Variants in HACD2 observed in about 807,000 individuals in gnomAD.
The protein encoded by HACD2 is very-long-chain (3R)-3-hydroxyacyl-CoA dehydratase 2.
In HACD2, 15 loss-of-function variants were observed where a neutral mutation model predicts 31.0. That is an observed-to-expected ratio of 0.48 (90% CI 0.32 to 0.75). HACD2 has a LOEUF of 0.75. HACD2 is among the 30% of genes least tolerant of loss of function. The probability of loss-of-function intolerance (pLI) is 0.03; values close to 1 mark genes in which losing one functional copy is unlikely to be tolerated. For missense variants in HACD2, 283 were observed against 313.0 expected, an observed-to-expected ratio of 0.90 and a Z score of 0.72; for synonymous variants, 115 against 122.2, an observed-to-expected ratio of 0.94 and a Z score of 0.39.
At chr3:123,511,368 T>A (rs576948949) in intron 4 of HACD2, among the ~76,000 whole-genome samples, 1 of 152,006 alleles carries the variant, frequency 6.6e-6, no homozygotes, top group Admixed American at 6.6e-5. Context: ...CACACACACA[T>A]ACACACACAC....
At chr3:123,515,330 C>T (rs940568032) in intron 4 of HACD2, among the ~76,000 whole-genome samples, 1 of 152,182 alleles carries the variant, frequency 6.6e-6, no homozygotes, top group Non-Finnish European at 1.5e-5. Context: ...GTGAGGGCAA[C>T]AACTGCATCT....
In HACD2 at chr3:123,504,938, T is replaced by C. The variant is rs1460523730; in HGVS notation, c.382-2257A>G. 2.0e-5 allele frequency among the ~76,000 whole-genome samples: 3 copies of C among 152,202 alleles called. No individual in the cohort carries two copies. The East Asian group carries it at 5.8e-4, about 29-fold the overall frequency. ...TCAATGAGACTCGAAGAGATATTTG[T>C]ACACTCATGTTTATAGCAGCATTAT... On this transcript the variant is annotated intron_variant, in intron 4 of 6. Coordinates refer to ENST00000383657, the MANE Select transcript of HACD2 (RefSeq NM_198402.5).
chr3:123,571,093 G>A (rs1031924573), intron 2 of HACD2, among the ~76,000 whole-genome samples: 2 of 152,114 alleles, frequency 1.3e-5, no homozygotes, highest in Non-Finnish European at 2.9e-5. Flanking sequence ...TCACTACTGC[G>A]CTGAAATCCT....
rs1170325190 is a variant in HACD2 at position 123,561,551 on chromosome 3, T to TCACATCTTACCAAGAGTATCTTCAGTTC, written c.292+6183_292+6210dup. The stretch of plus-strand genomic sequence containing the variant: ...ATGAAAGTTCACTAAATGCACAGTG[T>TCACATCTTACCAAGAGTATCTTCAGTTC]CACATCTTACCAAGAGTATCTTCAG... On this transcript the variant is annotated intron_variant, in intron 3 of 6. Coordinates refer to ENST00000383657, the MANE Select transcript of HACD2 (RefSeq NM_198402.5). 4.7e-3 allele frequency among the ~76,000 whole-genome samples: 715 copies of TCACATCTTACCAAGAGTATCTTCAGTTC among 152,260 alleles called. 22 individuals carry two copies. Among genetic ancestry groups the TCACATCTTACCAAGAGTATCTTCAGTTC allele is most frequent in the Admixed American group, 0.041 (629 of 15,260 alleles).
chr3:123,510,527 C>T (rs1290639094), intron 4 of HACD2, among the ~76,000 whole-genome samples: 14 of 152,184 alleles, frequency 9.2e-5, no homozygotes, highest in African/African-American at 3.1e-4. Context: ...GGATTACAGG[C>T]GTGAGCCACC....
At chr3:123,504,677 T>A (rs2055950397) in intron 4 of HACD2, among the ~76,000 whole-genome samples, 1 of 152,180 alleles carries the variant, frequency 6.6e-6, no homozygotes, top group Non-Finnish European at 1.5e-5. Context: ...AGGCTAAGTA[T>A]GAAAGCAGTC....
At chr3:123,499,348 T>A (rs2055874960) in intron 6 of HACD2, 1 of 186,258 alleles carries the variant, frequency 5.4e-6, no homozygotes, top group Non-Finnish European at 1.2e-5. Flanking sequence ...ATTTATCATC[T>A]GTTTGAAAAT....
rs80088563 is a variant in HACD2, at chr3:123,576,849, A to C, written c.273+5363T>G. Among the ~76,000 whole-genome samples, 554 of 152,350 alleles carry C rather than the reference A, an allele frequency of 3.6e-3. 4 individuals carry two copies. Among genetic ancestry groups the C allele is most frequent in the Middle Eastern group, 0.014 (4 of 294 alleles). ...CTTCTTAAGGACACTGCAAGTTTCT[A>C]AGACTTTGCTGTATTTTATAGAAAT... On this transcript the variant is annotated intron_variant, in intron 2 of 6. Transcript: ENST00000383657.
chr3:123,507,079 A>G (rs1203228168), intron 4 of HACD2, among the ~76,000 whole-genome samples: 1 of 152,106 alleles, frequency 6.6e-6, no homozygotes, highest in Non-Finnish European at 1.5e-5. Flanking sequence ...CAGCATAGTG[A>G]GATTCCGTTT....
intron 3 of HACD2, among the ~76,000 whole-genome samples, chr3:123,539,591 A>C (rs1220716032): frequency 1.3e-5 from 2 of 152,032 alleles, no homozygotes; most frequent in African/African-American, 4.8e-5. Context: ...AAATTAAAAA[A>C]ACGTATGGTA....
At chr3:123,564,694 G>A (rs962738418) in intron 3 of HACD2, among the ~76,000 whole-genome samples, 1 of 152,178 alleles carries the variant, frequency 6.6e-6, no homozygotes, top group African/African-American at 2.4e-5. Flanking sequence ...AAGGGACGGA[G>A]AACAGTTATA....
intron 3 of HACD2, among the ~76,000 whole-genome samples, chr3:123,564,448 G>A (rs139649565): frequency 6.6e-4 from 100 of 152,334 alleles, no homozygotes; most frequent in Non-Finnish European, 9.6e-4. Flanking sequence ...TATTTCAGGA[G>A]GGCTCAGTCC....
chr3:123,547,214 C>T (rs371777481), intron 3 of HACD2, among the ~76,000 whole-genome samples: 3 of 152,234 alleles, frequency 2.0e-5, no homozygotes, highest in South Asian at 2.1e-4. Context: ...ATTGTGATTA[C>T]GCCTTCCTCC....
At chr3:123,564,523 C>T (rs1367611171) in intron 3 of HACD2, among the ~76,000 whole-genome samples, 3 of 152,100 alleles carry the variant, frequency 2.0e-5, no homozygotes, top group East Asian at 3.9e-4. Context: ...GTAGCTAAGT[C>T]CAGGAACTTC....
chr3:123,506,052 C>A lies in HACD2; in HGVS notation c.382-3371G>T, dbSNP rs1184280971. ...CTTTGGAAAGATGCGTGCCCATGAT[C>A]CCTCCACAGGCAAGGCGTGAAACGC... On this transcript the variant is annotated intron_variant, in intron 4 of 6. Transcript: ENST00000383657. Among the ~76,000 whole-genome samples the A allele has an allele frequency of 2.6e-5, 4 of 152,352 alleles. No individual in the cohort carries two copies. The East Asian group carries it at 7.7e-4, about 29-fold the overall frequency.
intron 5 of HACD2, among the ~76,000 whole-genome samples, chr3:123,501,589 A>G (rs375100459): frequency 0.03 from 4,543 of 152,308 alleles, 73 homozygotes; most frequent in Middle Eastern, 0.088. Flanking sequence ...GGATGGTGGA[A>G]AAAAATCTTT....
chr3:123,531,638 G>A (rs1266588433), intron 3 of HACD2, among the ~76,000 whole-genome samples: 7 of 151,972 alleles, frequency 4.6e-5, no homozygotes, highest in African/African-American at 1.7e-4. Flanking sequence ...AAATGCTTTA[G>A]TATCCACACA....
chr3:123,584,663 A>C (rs2057006329), intron 1 of HACD2: 2 of 377,070 alleles, frequency 5.3e-6, no homozygotes, highest in East Asian at 8.2e-5. Context: ...ACTTGGCTCG[A>C]CCCCCAGCGC....
At chr3:123,561,587 T>C (rs1461939336) in intron 3 of HACD2, among the ~76,000 whole-genome samples, 3 of 152,148 alleles carry the variant, frequency 2.0e-5, no homozygotes, top group African/African-American at 7.2e-5. Flanking sequence ...TTCCACTACC[T>C]GCACCTCTAA....
Sources: allele counts gnomAD v4.1 joint callset (sites outside exome capture counted in the v4.1 genomes callset), GRCh38; gene constraint gnomAD v4.1.1; transcripts MANE v1.5; gene names NCBI Gene and HGNC (gene_info 2026-07-23, HGNC 2026-07-21).